Variants in AIM2 observed in about 807,000 individuals in gnomAD.
The protein encoded by AIM2 is absent in melanoma 2.
In AIM2, 30 loss-of-function variants were observed where a neutral mutation model predicts 27.7. The ratio of observed to expected loss-of-function variants is 1.08; its 90% CI spans 0.81 to 1.47. The LOEUF is 1.47. Ranked by LOEUF, AIM2 falls within the 40% of genes most tolerant of loss-of-function variation. AIM2 has a pLI of 0.00. For missense variants in AIM2, 358 were observed against 411.3 expected (o/e 0.87, Z 1.12); for synonymous variants, 141 against 145.3 (o/e 0.97, Z 0.21).
chr1:159,083,971 A>G (rs1235918741), intron 1 of AIM2, among the ~76,000 whole-genome samples: 2 of 152,224 alleles, frequency 1.3e-5, no homozygotes, highest in Non-Finnish European at 2.9e-5. Context: ...TCTGGCACAC[A>G]GAGCTAACCT....
intron 1 of AIM2, among the ~76,000 whole-genome samples, chr1:159,090,969 T>C (rs1478295437): frequency 6.6e-6 from 1 of 152,194 alleles, no homozygotes; most frequent in Admixed American, 6.5e-5. Flanking sequence ...CCTGGTATTC[T>C]TCTTCCTGAG....
chr1:159,108,298 T>C (rs1657494997), intron 1 of AIM2, among the ~76,000 whole-genome samples: 1 of 152,158 alleles, frequency 6.6e-6, no homozygotes, highest in South Asian at 2.1e-4. Flanking sequence ...AAAAATCACA[T>C]GATAATCTCA....
At position 159,062,560 on chromosome 1, in the gene AIM2, A is replaced by C; in HGVS notation, c.*132T>G. ...TTTATCCAGCAATTATTCTATCCTA[A>C]TTTGGTGGAGAGAGGAGCCTGTGAA... On this transcript the variant is annotated 3_prime_UTR_variant, in exon 6 of 6. Transcript: ENST00000368130. 1 of 759,248 alleles carries C rather than the reference A, an allele frequency of 1.3e-6. No individual in the cohort carries two copies. Among genetic ancestry groups the C allele is most frequent in the Non-Finnish European group, 2.2e-6 (1 of 448,548 alleles). The allele number at this position is 759,248 out of a possible 1,614,324, so 47.0% of individuals were successfully genotyped here. A position where few individuals can be genotyped will look rare whatever the true frequency, so the allele number is the denominator to read the frequency against.
rs964389122 is a variant in AIM2, at chr1:159,085,245, G to GA, written c.-15-18917dup. On this transcript the variant is annotated intron_variant, in intron 1 of 2. Transcript: ENST00000368129. Reference sequence around the variant, plus strand: ...TCACCTGTGTCCATCTGGGCTGCAAGAAAAAAAAAATGAGAATCTGACTCC... The same window carrying GA: ...TCACCTGTGTCCATCTGGGCTGCAAGAAAAAAAAAAATGAGAATCTGACTCC... 6.9e-4 allele frequency among the ~76,000 whole-genome samples: 102 copies of GA among 148,374 alleles called. 3 individuals are homozygous for GA. Among genetic ancestry groups the GA allele is most frequent in the East Asian group, 5.3e-3 (27 of 5,106 alleles).
intron 1 of AIM2, among the ~76,000 whole-genome samples, chr1:159,110,914 G>A (rs922609850): frequency 6.6e-6 from 1 of 152,190 alleles, no homozygotes; most frequent in African/African-American, 2.4e-5. Flanking sequence ...TAGGGTGAGA[G>A]TGTGGGACTC....
intron 1 of AIM2, among the ~76,000 whole-genome samples, chr1:159,146,518 C>T (rs751022690): frequency 7.9e-5 from 12 of 152,162 alleles, no homozygotes; most frequent in East Asian, 3.8e-4. Flanking sequence ...CCTCTGTCCA[C>T]GCCTTTGCTC....
At chr1:159,107,521 G>C (rs1238651290) in intron 1 of AIM2, among the ~76,000 whole-genome samples, 1 of 151,972 alleles carries the variant, frequency 6.6e-6, no homozygotes, top group Non-Finnish European at 1.5e-5. Flanking sequence ...GAATGTTACA[G>C]AAAGAGGAAA....
At chr1:159,119,029 A>G (rs936270921) in intron 1 of AIM2, among the ~76,000 whole-genome samples, 20 of 152,206 alleles carry the variant, frequency 1.3e-4, no homozygotes, top group Middle Eastern at 3.4e-3. Flanking sequence ...TTGGCATTAC[A>G]TATCTCTCAC....
intron 1 of AIM2, among the ~76,000 whole-genome samples, chr1:159,102,953 T>C (rs914575782): frequency 2.6e-5 from 4 of 152,196 alleles, no homozygotes; most frequent in African/African-American, 9.7e-5. Flanking sequence ...GGCATGATTG[T>C]ATTTTCAAAC....
At chr1:159,062,782 CAGT>C in intron 5 of AIM2, 64 bp from the exon 6 acceptor site, 1 of 1,458,362 alleles carries the variant, frequency 6.9e-7, no homozygotes, top group South Asian at 1.2e-5. Context: ...CCACTGTTTG[CAGT>C]CACTATGGCC....
upstream of AIM2, among the ~76,000 whole-genome samples, chr1:159,141,674 G>C (rs1325136139): frequency 6.6e-6 from 1 of 151,962 alleles, no homozygotes; most frequent in Non-Finnish European, 1.5e-5. Context: ...CGTCCATTGC[G>C]CCACAGAGAC....
intron 1 of AIM2, among the ~76,000 whole-genome samples, chr1:159,132,085 C>T (rs1033538725): frequency 6.6e-6 from 1 of 151,412 alleles, no homozygotes; most frequent in Non-Finnish European, 1.5e-5. Flanking sequence ...TGGTGGCTCA[C>T]GCCTGTAATC....
At chr1:159,086,957 G>A (rs1361604207) in intron 1 of AIM2, among the ~76,000 whole-genome samples, 1 of 152,116 alleles carries the variant, frequency 6.6e-6, no homozygotes, top group Non-Finnish European at 1.5e-5. Context: ...CTCCTTAGGG[G>A]CAGAAACTGA....
At chr1:159,085,397 C>A (rs948714494) in intron 1 of AIM2, among the ~76,000 whole-genome samples, 1 of 152,110 alleles carries the variant, frequency 6.6e-6, no homozygotes, top group Non-Finnish European at 1.5e-5. Flanking sequence ...AGAATTATTC[C>A]CAGATTTCTG....
intron 1 of AIM2, among the ~76,000 whole-genome samples, chr1:159,082,619 T>C (rs1358348986): frequency 6.6e-6 from 1 of 152,132 alleles, no homozygotes; most frequent in Non-Finnish European, 1.5e-5. Flanking sequence ...TGTCCTCACA[T>C]GGCAGAAGAG....
intron 1 of AIM2, among the ~76,000 whole-genome samples, chr1:159,145,595 G>A (rs781378669): frequency 4.6e-5 from 7 of 152,138 alleles, no homozygotes; most frequent in Non-Finnish European, 1.0e-4. Flanking sequence ...CAGTCAAACT[G>A]AGCTATTGAG....
chr1:159,118,725 A>G (rs1647450413), intron 1 of AIM2, among the ~76,000 whole-genome samples: 1 of 152,092 alleles, frequency 6.6e-6, no homozygotes, highest in East Asian at 1.9e-4. Context: ...CAAAATGGTG[A>G]CTTCTACTGG....
At chr1:159,134,445 G>T (rs776889474) in intron 1 of AIM2, among the ~76,000 whole-genome samples, 1 of 152,236 alleles carries the variant, frequency 6.6e-6, no homozygotes, top group African/African-American at 2.4e-5. Flanking sequence ...AAAGCTTACA[G>T]GGAATACAAG....
chr1:159,080,977 T>A (rs1656762883), upstream of AIM2, among the ~76,000 whole-genome samples: 1 of 152,126 alleles, frequency 6.6e-6, no homozygotes, highest in Non-Finnish European at 1.5e-5. Context: ...GTTCACAAAA[T>A]ACATAACTAT....
Sources: allele counts gnomAD v4.1 joint callset (sites outside exome capture counted in the v4.1 genomes callset), GRCh38; gene constraint gnomAD v4.1.1; transcripts MANE v1.5; gene names NCBI Gene and HGNC (gene_info 2026-07-23, HGNC 2026-07-21).